Variants in C1QTNF7 observed in about 807,000 individuals in gnomAD.
The protein encoded by C1QTNF7 is C1q and TNF related 7.
Under a neutral mutation model 19.6 loss-of-function variants are expected in C1QTNF7, and 15 were observed. That is an observed-to-expected ratio of 0.76 (90% confidence interval 0.51 to 1.18). C1QTNF7 has a LOEUF of 1.18. C1QTNF7 is among the 50% of genes most tolerant of loss of function. The pLI is 0.00. For missense variants in C1QTNF7, 324 were observed against 359.7 expected (o/e 0.90, Z 0.80); for synonymous variants, 142 against 137.5 (o/e 1.03, Z -0.23).
At chr4:15,391,753 T>G (rs1409202189) in intron 1 of C1QTNF7, among the ~76,000 whole-genome samples, 4 of 152,140 alleles carry the variant, frequency 2.6e-5, no homozygotes, top group Non-Finnish European at 5.9e-5. Context: ...AAACATTGCA[T>G]ACAGATAAGG....
chr4:15,421,037 C>A lies in C1QTNF7; in HGVS notation c.14-14699C>A, dbSNP rs1416297741. 2.0e-5 allele frequency among the ~76,000 whole-genome samples: 3 copies of A among 151,662 alleles called. No individual in the cohort carries two copies. The East Asian group carries it at 5.8e-4, about 29-fold the overall frequency. ...TTGTTGGGTCTAATATAGCTCTTGACCCTGAACTTGGCTCATGTCCTCAGG... is the reference window on the plus strand; with the variant it reads ...TTGTTGGGTCTAATATAGCTCTTGAACCTGAACTTGGCTCATGTCCTCAGG... On this transcript the variant is annotated intron_variant, in intron 1 of 2. Transcript: ENST00000295297.
Position 15,442,901 on chromosome 4 carries a change from A to G in C1QTNF7, c.*102A>G, listed in dbSNP as rs1712842610. 1.6e-6 allele frequency: 2 copies of G among 1,227,594 alleles called. No homozygotes were observed. The highest frequency in any genetic ancestry group is 2.2e-6 in the Non-Finnish European group (2 of 897,968). The allele number at this position is 1,227,594 out of a possible 1,614,324, so 76.0% of individuals were successfully genotyped here. On this transcript the variant is annotated 3_prime_UTR_variant, in exon 3 of 3. Coordinates refer to ENST00000444304, the MANE Select transcript of C1QTNF7 (RefSeq NM_031911.5). ...CCAAAGAGACTCCCACTCAGATTCT[A>G]AAGCATTTAAAGACAATTCTAGCAG...
intron 1 of C1QTNF7, chr4:15,358,181 C>A (rs1340415388): frequency 6.6e-6 from 1 of 152,048 alleles, no homozygotes; most frequent in East Asian, 1.9e-4. Context: ...CCAGCTTTTG[C>A]CCATTCAGTA....
chr4:15,434,713 T>G (rs1191539871), intron 1 of C1QTNF7, among the ~76,000 whole-genome samples: 2 of 152,176 alleles, frequency 1.3e-5, no homozygotes, highest in Non-Finnish European at 2.9e-5. Context: ...TACTAATAAA[T>G]GACTCATCAT....
intron 1 of C1QTNF7, among the ~76,000 whole-genome samples, chr4:15,404,054 A>C (rs1053026333): frequency 2.6e-5 from 4 of 152,156 alleles, no homozygotes; most frequent in African/African-American, 7.2e-5. Context: ...CAATGAATCT[A>C]TTTTAGGCAT....
intron 1 of C1QTNF7, 30 bp downstream of exon 1, chr4:15,428,136 T>C (rs1453339876): frequency 4.1e-6 from 4 of 969,270 alleles, no homozygotes; most frequent in Non-Finnish European, 4.9e-6. Context: ...TTTTAGAATT[T>C]TGGCAAATGT....
intron 1 of C1QTNF7, among the ~76,000 whole-genome samples, chr4:15,432,520 C>T (rs761574461): frequency 4.9e-4 from 75 of 152,258 alleles, no homozygotes; most frequent in Non-Finnish European, 8.8e-4. Context: ...CTCAGCCTCT[C>T]GAGTAGCTGG....
At chr4:15,415,133 T>C (rs1719550548) in intron 1 of C1QTNF7, among the ~76,000 whole-genome samples, 1 of 152,212 alleles carries the variant, frequency 6.6e-6, no homozygotes, top group Admixed American at 6.5e-5. Context: ...CATTCCCAAA[T>C]GTCTAAAATC....
In C1QTNF7 at chr4:15,340,185, G is replaced by T. The variant is rs764267813; in HGVS notation, c.-10G>T. ...AGCCTCATGTTTTGGGGGAAAGTTTGATATCAGCAATGTCCAGACAAGGTA... is the reference window on the plus strand; with the variant it reads ...AGCCTCATGTTTTGGGGGAAAGTTTTATATCAGCAATGTCCAGACAAGGTA... On this transcript the variant is annotated 5_prime_UTR_variant, in exon 1 of 3. Coordinates refer to the C1QTNF7 transcript ENST00000295297. The T allele has an allele frequency of 6.4e-6, 10 of 1,551,614 alleles. No homozygotes were observed. The South Asian group carries it at 1.2e-4, about 18-fold the overall frequency.
At chr4:15,376,869 A>C (rs928750091) in intron 1 of C1QTNF7, among the ~76,000 whole-genome samples, 1 of 152,268 alleles carries the variant, frequency 6.6e-6, no homozygotes, top group Non-Finnish European at 1.5e-5. Context: ...CCAAAGTCAC[A>C]TACCTAGAAA....
intron 1 of C1QTNF7, among the ~76,000 whole-genome samples, chr4:15,391,680 G>A (rs1718563732): frequency 6.6e-6 from 1 of 152,136 alleles, no homozygotes. Flanking sequence ...GTGTCTCCCA[G>A]CAACAATATG....
intron 1 of C1QTNF7, among the ~76,000 whole-genome samples, chr4:15,355,536 C>G (rs1257594511): frequency 6.6e-6 from 1 of 152,050 alleles, no homozygotes; most frequent in African/African-American, 2.4e-5. Flanking sequence ...GCTCAGACCA[C>G]CATTCAGGTG....
In C1QTNF7 at chr4:15,442,308, A is replaced by G; in HGVS notation, c.379A>G (p.Arg127Gly). 6 of 1,614,174 alleles carry G rather than the reference A, an allele frequency of 3.7e-6. No individual in the cohort carries two copies. The highest frequency in any genetic ancestry group is 5.1e-6 in the Non-Finnish European group (6 of 1,180,032). The change falls in exon 3 of 3, where the codon AGA becomes GGA. Residue 127 changes from arginine (R) to glycine (G), a missense_variant. Transcript: ENST00000444304. ...PIGPPGPKGD[R>G]GEQGDPGLPG... ...TGGTCCTCCTGGACCAAAGGGAGAC[A>G]GAGGAGAACAAGGGGACCCGGGGCT... is the stretch of plus-strand genomic sequence containing the variant.
chr4:15,401,906 A>G, intron 1 of C1QTNF7, among the ~76,000 whole-genome samples: 1 of 152,226 alleles, frequency 6.6e-6, no homozygotes, highest in Admixed American at 6.5e-5. Flanking sequence ...TACAGACAAG[A>G]CAACACAAAC....
chr4:15,406,307 C>T (rs1719193917), intron 1 of C1QTNF7, among the ~76,000 whole-genome samples: 1 of 152,112 alleles, frequency 6.6e-6, no homozygotes, highest in African/African-American at 2.4e-5. Flanking sequence ...GCTAAGAAGC[C>T]AGACATCAAA....
Position 15,435,896 on chromosome 4 carries a change from C to T in C1QTNF7, c.153C>T (p.Ser51=), listed in dbSNP as rs1316305489. Residue 51 remains serine (S), a synonymous_variant, in exon 2 of 3, where the codon TCC becomes TCT. Transcript: ENST00000444304. The part of the protein sequence containing the change: ...GPPGPPGANG[S]PGPHGRIGLP... ...CAGGGCCCCCTGGAGCAAATGGTTCCCCTGGGCCCCATGGTCGCATCGGCC... is the reference window on the plus strand; with the variant it reads ...CAGGGCCCCCTGGAGCAAATGGTTCTCCTGGGCCCCATGGTCGCATCGGCC... 1.2e-6 allele frequency: 2 copies of T among 1,613,902 alleles called. No homozygotes were observed. The highest frequency in any genetic ancestry group is 1.7e-6 in the Non-Finnish European group (2 of 1,179,998).
intron 1 of C1QTNF7, among the ~76,000 whole-genome samples, chr4:15,389,672 G>A (rs1326000548): frequency 2.0e-5 from 3 of 152,084 alleles, no homozygotes; most frequent in African/African-American, 7.2e-5. Context: ...ACCTACCTCG[G>A]CCTCCCAAAG....
chr4:15,440,108 T>G (rs1454837275), intron 2 of C1QTNF7, among the ~76,000 whole-genome samples: 1 of 152,130 alleles, frequency 6.6e-6, no homozygotes, highest in Non-Finnish European at 1.5e-5. Context: ...ACCATTTTTC[T>G]GTATTTAGCC....
chr4:15,406,765 T>G (rs733388), intron 1 of C1QTNF7, among the ~76,000 whole-genome samples: 41,788 of 152,096 alleles, frequency 0.27, 6,519 homozygotes, highest in Middle Eastern at 0.38. Context: ...TGATCATATA[T>G]AGTAAGAGAT....
Sources: gnomAD v4.1 joint callset for allele counts (sites outside exome capture counted in the v4.1 genomes callset) on GRCh38, gnomAD v4.1.1 for gene constraint, MANE v1.5 for transcripts, NCBI Gene and HGNC (gene_info 2026-07-23, HGNC 2026-07-21) for gene names.